Variants in GRM8 observed in about 807,000 individuals in gnomAD.
GRM8 encodes metabotropic glutamate receptor 8.
A neutral mutation model predicts 87.2 loss-of-function variants in GRM8; 47 were observed. The observed-to-expected ratio is 0.54, with a 90% CI of 0.43 to 0.69. The LOEUF (loss-of-function observed/expected upper bound fraction) is 0.69. Among genes scored for constraint, GRM8 ranks in the 30% least tolerant of loss-of-function variants. GRM8 has a pLI of 0.00. For synonymous variants in GRM8, 396 were observed against 404.5 expected, an observed-to-expected ratio of 0.98 and a Z score of 0.25; for missense variants, 1,019 against 1,139.2, an observed-to-expected ratio of 0.89 and a Z score of 1.52.
chr7:126,545,683 T>C (rs1198946797), intron 8 of GRM8, among the ~76,000 whole-genome samples: 1 of 152,060 alleles, frequency 6.6e-6, no homozygotes, highest in Admixed American at 6.6e-5. Flanking sequence ...TTACATTGAA[T>C]CTATATGGTC....
intron 3 of GRM8, among the ~76,000 whole-genome samples, chr7:126,936,051 C>T (rs1044383268): frequency 6.6e-6 from 1 of 152,138 alleles, no homozygotes; most frequent in East Asian, 1.9e-4. Flanking sequence ...GGGCTGGCAA[C>T]AATGGCAGTA....
At chr7:127,047,183 A>G (rs1424217708) in intron 3 of GRM8, among the ~76,000 whole-genome samples, 1 of 152,210 alleles carries the variant, frequency 6.6e-6, no homozygotes, top group African/African-American at 2.4e-5. Flanking sequence ...CTGATAACAT[A>G]TTACCCATGG....
chr7:126,468,994 C>T (rs1804833103), intron 9 of GRM8, among the ~76,000 whole-genome samples: 1 of 152,118 alleles, frequency 6.6e-6, no homozygotes, highest in African/African-American at 2.4e-5. Flanking sequence ...ACTTCACAAA[C>T]TTCTATACAA....
intron 7 of GRM8, among the ~76,000 whole-genome samples, chr7:126,719,714 T>C (rs780529411): frequency 1.5e-4 from 23 of 152,022 alleles, no homozygotes; most frequent in Non-Finnish European, 1.5e-5. Context: ...AATCTTTCTG[T>C]GCAAAAATGC....
chr7:127,055,451 A>G (rs1819887416), intron 3 of GRM8, among the ~76,000 whole-genome samples: 1 of 152,172 alleles, frequency 6.6e-6, no homozygotes, highest in African/African-American at 2.4e-5. Context: ...AGGCTGAACA[A>G]CCAATTAGTA....
intron 3 of GRM8, among the ~76,000 whole-genome samples, chr7:126,920,908 T>C (rs550335427): frequency 3.0e-5 from 4 of 132,168 alleles, no homozygotes; most frequent in Admixed American, 1.7e-4. Flanking sequence ...GGTAATGACA[T>C]ACTGATACTT....
At chr7:126,604,641 G>C (rs1459455559) in intron 8 of GRM8, among the ~76,000 whole-genome samples, 1 of 146,802 alleles carries the variant, frequency 6.8e-6, no homozygotes, top group Non-Finnish European at 1.5e-5. Context: ...CCCAAGGCTG[G>C]CTATACAGCT....
intron 3 of GRM8, among the ~76,000 whole-genome samples, chr7:126,925,061 G>A (rs757309606): frequency 6.6e-6 from 1 of 152,146 alleles, no homozygotes; most frequent in Non-Finnish European, 1.5e-5. Flanking sequence ...TGACAGAAGA[G>A]AGCAAGACCT....
chr7:126,481,522 G>A (rs1027249144), intron 9 of GRM8, among the ~76,000 whole-genome samples: 2 of 151,986 alleles, frequency 1.3e-5, no homozygotes, highest in African/African-American at 4.8e-5. Flanking sequence ...ACAAAGATAA[G>A]AGTGTATTAT....
At chr7:126,890,597 C>T (rs867603228) in intron 6 of GRM8, among the ~76,000 whole-genome samples, 2 of 152,114 alleles carry the variant, frequency 1.3e-5, no homozygotes, top group African/African-American at 4.8e-5. Flanking sequence ...CTACTGCCTC[C>T]CACCCCCTGA....
At chr7:126,626,907 CT>C (rs1800764626) in intron 7 of GRM8, among the ~76,000 whole-genome samples, 1 of 152,134 alleles carries the variant, frequency 6.6e-6, no homozygotes, top group South Asian at 2.1e-4. Flanking sequence ...ATGAACAACA[CT>C]GTATAGATTA....
intron 6 of GRM8, among the ~76,000 whole-genome samples, chr7:126,841,131 A>G (rs566214904): frequency 1.3e-5 from 2 of 152,238 alleles, no homozygotes; most frequent in Non-Finnish European, 1.5e-5. Context: ...ATGTCTTGCT[A>G]TATAACAAAA....
At chr7:126,469,502 G>C (rs1391666415) in intron 9 of GRM8, among the ~76,000 whole-genome samples, 1 of 152,142 alleles carries the variant, frequency 6.6e-6, no homozygotes, top group Non-Finnish European at 1.5e-5. Context: ...CATCTCATGG[G>C]AGGGACTCAG....
chr7:126,606,055 A>G (rs943616556), intron 8 of GRM8, among the ~76,000 whole-genome samples: 1 of 152,182 alleles, frequency 6.6e-6, no homozygotes, highest in African/African-American at 2.4e-5. Flanking sequence ...CTAGGTGATG[A>G]TATCTATTCA....
At chr7:126,890,603 CCT>C (rs1009301844) in intron 6 of GRM8, among the ~76,000 whole-genome samples, 3 of 152,010 alleles carry the variant, frequency 2.0e-5, no homozygotes, top group African/African-American at 7.2e-5. Flanking sequence ...CCTCCCACCC[CCT>C]GAGAGAGAAT....
At chr7:126,851,706 T>C (rs934388729) in intron 6 of GRM8, among the ~76,000 whole-genome samples, 1 of 152,074 alleles carries the variant, frequency 6.6e-6, no homozygotes, top group Non-Finnish European at 1.5e-5. Flanking sequence ...CCTTCCTCCA[T>C]TCCCCCAGGG....
At chr7:126,532,890 G>T in intron 9 of GRM8, 62 bp downstream of exon 9, 2 of 947,902 alleles carry the variant, frequency 2.1e-6, no homozygotes, top group Non-Finnish European at 3.2e-6. Context: ...AGGAGGAAAA[G>T]CATCCTAAAA....
chr7:126,876,054 T>C (rs1799499726), intron 6 of GRM8, among the ~76,000 whole-genome samples: 1 of 152,292 alleles, frequency 6.6e-6, no homozygotes, highest in African/African-American at 2.4e-5. Context: ...GGTTGGCTTA[T>C]CCTTGAATAT....
At chr7:127,175,558 C>A (rs1794054287) in intron 2 of GRM8, among the ~76,000 whole-genome samples, 1 of 152,052 alleles carries the variant, frequency 6.6e-6, no homozygotes, top group South Asian at 2.1e-4. Context: ...CTGCAGAAAA[C>A]CAACTACAAA....
Sources: allele counts gnomAD v4.1 joint callset (sites outside exome capture counted in the v4.1 genomes callset), GRCh38; gene constraint gnomAD v4.1.1; transcripts MANE v1.5; gene names NCBI Gene and HGNC (gene_info 2026-07-23, HGNC 2026-07-21).